The following PCBP3 variants were observed in gnomAD, a reference collection of about 807,000 sequenced individuals.
PCBP3 encodes poly(rC)-binding protein 3.
PCBP3 carries 25 observed loss-of-function variants against 52.7 expected under a neutral mutation model. That is an observed-to-expected ratio of 0.47 (90% confidence interval 0.35 to 0.66). The LOEUF is 0.66. Among genes scored for constraint, PCBP3 ranks in the 30% least tolerant of loss-of-function variants. PCBP3 has a pLI of 0.01. For synonymous variants in PCBP3, 162 were observed against 183.0 expected, an observed-to-expected ratio of 0.89 and a Z score of 0.93; for missense variants, 391 against 490.3, an observed-to-expected ratio of 0.80 and a Z score of 1.91.
rs553661045 is a variant in PCBP3 at position 45,703,562 on chromosome 21, C to T, written c.-199-31830C>T. ...GTTGGTCTTGAAGGGCCTTGGAGGC[C>T]GATAGGAGAATTAGACTTTTACTCC... On this transcript the variant is annotated intron_variant, in intron 2 of 17. Coordinates refer to ENST00000681687, the MANE Select transcript of PCBP3 (RefSeq NM_001384156.1). Among the ~76,000 whole-genome samples the T allele has an allele frequency of 6.6e-4, 100 of 152,050 alleles. No homozygotes were observed. The Middle Eastern group carries it at 0.01, about 16-fold the overall frequency.
intron 16 of PCBP3, among the ~76,000 whole-genome samples, chr21:45,939,435 A>G (rs1462520510): frequency 6.6e-6 from 1 of 152,232 alleles, no homozygotes; most frequent in East Asian, 1.9e-4. Context: ...ACTGTGTTCC[A>G]TCTTTAAACA....
At chr21:45,839,449 G>T (rs1336998067) in intron 4 of PCBP3, among the ~76,000 whole-genome samples, 1 of 152,232 alleles carries the variant, frequency 6.6e-6, no homozygotes, top group East Asian at 1.9e-4. Context: ...TTTCGTGGTT[G>T]GCCCAACCCC....
intron 5 of PCBP3, among the ~76,000 whole-genome samples, chr21:45,867,457 T>C (rs2094787166): frequency 6.6e-6 from 1 of 152,210 alleles, no homozygotes; most frequent in Admixed American, 6.5e-5. Context: ...ACGGGGTCCC[T>C]GGCGCACCTG....
Position 45,849,917 on chromosome 21 carries a change from C to T in PCBP3, c.-125-44C>T, listed in dbSNP as rs1284126617. ...TGAAGCCCAGTGCTGGCGGAGAGGC[C>T]CTGCACTGGTGCGCTCACACAGCCC... is the stretch of plus-strand genomic sequence containing the variant. On this transcript the variant is annotated intron_variant, in intron 4 of 17. Coordinates refer to ENST00000681687, the MANE Select transcript of PCBP3 (RefSeq NM_001384156.1). 6.0e-6 allele frequency: 4 copies of T among 664,396 alleles called. No individual in the cohort carries two copies. In the African/African-American group the frequency reaches 7.3e-5, roughly 12 times the overall value. 41.2% of individuals were successfully genotyped at this position (664,396 alleles called of 1,614,324 possible).
At chr21:45,836,098 T>C (rs1248824711) in intron 4 of PCBP3, among the ~76,000 whole-genome samples, 1 of 152,180 alleles carries the variant, frequency 6.6e-6, no homozygotes, top group Non-Finnish European at 1.5e-5. Flanking sequence ...CCTTCAGCCT[T>C]ACAGAGGGGC....
intron 5 of PCBP3, among the ~76,000 whole-genome samples, chr21:45,885,158 C>G (rs1039630864): frequency 6.6e-6 from 1 of 152,188 alleles, no homozygotes; most frequent in African/African-American, 2.4e-5. Flanking sequence ...ATTATTTTCA[C>G]TGGATATATC....
At chr21:45,833,622 G>A (rs1402632560) in intron 4 of PCBP3, among the ~76,000 whole-genome samples, 1 of 152,206 alleles carries the variant, frequency 6.6e-6, no homozygotes, top group Non-Finnish European at 1.5e-5. Flanking sequence ...TTCCAGACAC[G>A]GGCCACCCCC....
chr21:45,646,085 C>CTCTCTCTCTCTT (rs2079253596), intron 1 of PCBP3, among the ~76,000 whole-genome samples: 1 of 85,280 alleles, frequency 1.2e-5, no homozygotes, highest in African/African-American at 5.4e-5. Context: ...CTCTCTCTTT[C>CTCTCTCTCTCTT]TCTCTCTCTC....
intron 4 of PCBP3, among the ~76,000 whole-genome samples, chr21:45,808,089 A>G (rs1452513255): frequency 6.6e-6 from 1 of 152,262 alleles, no homozygotes; most frequent in Admixed American, 6.5e-5. Flanking sequence ...AAAACCATAA[A>G]AACCCTAGAA....
rs563108577 is a variant in PCBP3, at chr21:45,822,206, A to G, written c.-125-27755A>G. On this transcript the variant is annotated intron_variant, in intron 4 of 17. Coordinates refer to ENST00000681687, the MANE Select transcript of PCBP3 (RefSeq NM_001384156.1). ...AGAAGCTGGCAGGACTCCTGCAGGC[A>G]CAGGCACCGGCACCGTCATCCTGGG... is the stretch of plus-strand genomic sequence containing the variant. 1.8e-4 allele frequency among the ~76,000 whole-genome samples: 27 copies of G among 152,276 alleles called. No individual in the cohort carries two copies. In the South Asian group the frequency reaches 5.6e-3, roughly 32 times the overall value.
At chr21:45,813,153 T>C (rs184244156) in intron 4 of PCBP3, among the ~76,000 whole-genome samples, 16 of 152,308 alleles carry the variant, frequency 1.1e-4, no homozygotes, top group Non-Finnish European at 1.5e-4. Context: ...GTTAAACATA[T>C]TTTAGACCAC....
At chr21:45,749,683 G>A (rs1419370312) in intron 3 of PCBP3, 1 of 152,260 alleles carries the variant, frequency 6.6e-6, no homozygotes, top group African/African-American at 2.4e-5. Context: ...AGAGCACGTG[G>A]ATGCTGCTAG....
intron 2 of PCBP3, among the ~76,000 whole-genome samples, chr21:45,675,408 A>C (rs995156978): frequency 1.3e-5 from 2 of 152,198 alleles, no homozygotes; most frequent in African/African-American, 4.8e-5. Context: ...AAATGCTCTT[A>C]TTTGTGGTCT....
intron 5 of PCBP3, among the ~76,000 whole-genome samples, chr21:45,868,261 A>G (rs1471984093): frequency 6.6e-6 from 1 of 152,220 alleles, no homozygotes; most frequent in Non-Finnish European, 1.5e-5. Flanking sequence ...GTGGGTGCCC[A>G]GGGTTGCAGG....
chr21:45,698,824 A>G (rs1280790583), intron 2 of PCBP3, among the ~76,000 whole-genome samples: 2 of 152,214 alleles, frequency 1.3e-5, no homozygotes, highest in Non-Finnish European at 2.9e-5. Context: ...CCTGAGTTTA[A>G]TGCATCATGA....
chr21:45,917,367 G>A lies in PCBP3; in HGVS notation c.676-221G>A. 1 of 464,950 alleles carries A rather than the reference G, an allele frequency of 2.2e-6. No homozygotes were observed. The highest frequency in any genetic ancestry group is 4.0e-6 in the Non-Finnish European group (1 of 252,600). The allele number at this position is 464,950 out of a possible 1,614,324, so 28.8% of individuals were successfully genotyped here. A position where few individuals can be genotyped will look rare whatever the true frequency, so the allele number is the denominator to read the frequency against. The stretch of plus-strand genomic sequence containing the variant: ...TGTTTCCCTCCCACCCGCTGAACTG[G>A]CCAGCTCAGCTCTGCCCGCCCAGAG... On this transcript the variant is annotated intron_variant, in intron 12 of 17. Transcript: ENST00000681687. The surrounding 1 kb of genome is among the most constrained non-coding windows in gnomAD (Gnocchi z 5.3).
chr21:45,889,458 C>T (rs920481120), intron 5 of PCBP3, among the ~76,000 whole-genome samples: 1 of 152,248 alleles, frequency 6.6e-6, no homozygotes, highest in Non-Finnish European at 1.5e-5. Context: ...AGATGCAGCT[C>T]AGAGCAGGAA....
intron 13 of PCBP3, among the ~76,000 whole-genome samples, chr21:45,920,771 A>T (rs768674690): frequency 5.9e-5 from 9 of 152,174 alleles, no homozygotes; most frequent in Non-Finnish European, 1.2e-4. Flanking sequence ...GCGTTCAGGC[A>T]CCATATTGAA....
intron 1 of PCBP3, among the ~76,000 whole-genome samples, chr21:45,646,100 T>TCG (rs1569070172): frequency 1.8e-3 from 179 of 99,614 alleles, no homozygotes; most frequent in African/African-American, 6.2e-3. Flanking sequence ...TCTCTCTCTC[T>TCG]CTCTCTCTGT....
Sources: allele counts gnomAD v4.1 joint callset (sites outside exome capture counted in the v4.1 genomes callset), GRCh38; gene constraint gnomAD v4.1.1; non-coding constraint Gnocchi (gnomAD v3.1); transcripts MANE v1.5; gene names NCBI Gene and HGNC (gene_info 2026-07-23, HGNC 2026-07-21).